Variants in WDR72 observed in about 807,000 individuals in gnomAD.
The protein encoded by WDR72 is WD repeat-containing protein 72.
A neutral mutation model predicts 124.2 loss-of-function variants in WDR72; 120 were observed. That is an observed-to-expected ratio of 0.97 (90% confidence interval 0.83 to 1.12). WDR72 has a LOEUF of 1.12. WDR72 is among the 50% of genes most tolerant of loss of function. The pLI, the probability that WDR72 is intolerant of heterozygous loss-of-function variation, is 0.00. For missense variants in WDR72, 1,387 were observed against 1,278.8 expected (o/e 1.08, Z -1.29); for synonymous variants, 452 against 441.7 (o/e 1.02, Z -0.29).
chr15:53,612,153 T>C lies in WDR72; in HGVS notation c.2872+1513A>G, dbSNP rs112762558. ...ATCTCCAAAACCACTGTTCTAGTCATTATTTATCCTTTAATTTCATTTGTC... is the reference window on the plus strand; with the variant it reads ...ATCTCCAAAACCACTGTTCTAGTCACTATTTATCCTTTAATTTCATTTGTC... On this transcript the variant is annotated intron_variant, in intron 16 of 19. Coordinates refer to ENST00000360509, the MANE Select transcript of WDR72 (RefSeq NM_182758.4). 2.0e-3 allele frequency among the ~76,000 whole-genome samples: 311 copies of C among 152,294 alleles called. 1 individual carries two copies. The highest frequency in any genetic ancestry group is 2.5e-3 in the Non-Finnish European group (172 of 68,032).
At chr15:53,576,998 T>A (rs2140312684) in intron 18 of WDR72, among the ~76,000 whole-genome samples, 1 of 152,286 alleles carries the variant, frequency 6.6e-6, no homozygotes, top group Non-Finnish European at 1.5e-5. Flanking sequence ...GAACCTTTGC[T>A]TTAGAGCTCC....
rs1288488424 is a variant in WDR72 at position 53,537,704 on chromosome 15, T to C, written c.3149-14382A>G. ...AAATTCAGTATTATTATTATTTGTA[T>C]ATCTGTCTTTGTCTAGAAATATGCA... is the stretch of plus-strand genomic sequence containing the variant. On this transcript the variant is annotated intron_variant, in intron 18 of 19. Coordinates refer to ENST00000360509, the MANE Select transcript of WDR72 (RefSeq NM_182758.4). Among the ~76,000 whole-genome samples, 3 of 152,208 alleles carry C rather than the reference T, an allele frequency of 2.0e-5. No homozygotes were observed. In the East Asian group the frequency reaches 5.8e-4, roughly 29 times the overall value.
At chr15:53,652,506 C>A (rs1323122356) in intron 14 of WDR72, among the ~76,000 whole-genome samples, 1 of 152,144 alleles carries the variant, frequency 6.6e-6, no homozygotes, top group Non-Finnish European at 1.5e-5. Context: ...GGAAATGAAA[C>A]ATAAATCAGC....
rs568393985 is a variant in WDR72 at position 53,685,737 on chromosome 15, C to G, written c.1765+14013G>C. ...ACCGCAAAGATACTCCTCGAGAAGACCAACTCCAAGACACATAATTGTCAG... is the reference window on the plus strand; with the variant it reads ...ACCGCAAAGATACTCCTCGAGAAGAGCAACTCCAAGACACATAATTGTCAG... On this transcript the variant is annotated intron_variant, in intron 13 of 19. Transcript: ENST00000360509. Among the ~76,000 whole-genome samples the G allele has an allele frequency of 3.6e-3, 525 of 147,028 alleles. 2 individuals are homozygous for G. Among genetic ancestry groups the G allele is most frequent in the East Asian group, 1.0e-2 (47 of 4,708 alleles).
chr15:53,713,686 G>A (rs1332818919), intron 6 of WDR72, among the ~76,000 whole-genome samples: 2 of 151,976 alleles, frequency 1.3e-5, no homozygotes, highest in African/African-American at 4.8e-5. Context: ...TTGAACTCCT[G>A]ACCTCTGGTG....
At chr15:53,554,598 A>T (rs2140284605) in intron 18 of WDR72, among the ~76,000 whole-genome samples, 1 of 152,284 alleles carries the variant, frequency 6.6e-6, no homozygotes, top group Middle Eastern at 3.4e-3. Flanking sequence ...TTTCCAAAGT[A>T]AAGGCACTTG....
rs16966320 is a variant in WDR72, at chr15:53,615,709, A to C, written c.2497T>G (p.Ser833Ala). 0.054 allele frequency: 86,628 copies of C among 1,612,220 alleles called. 6,770 individuals carry two copies. Among genetic ancestry groups the C allele is most frequent in the African/African-American group, 0.38 (28,583 of 74,704 alleles). ...AGTGAGAAATTATCTTCATTCAAAGAAATTCCCAAAGAAATAGGACCCTGA... is the reference window on the plus strand; with the variant it reads ...AGTGAGAAATTATCTTCATTCAAAGCAATTCCCAAAGAAATAGGACCCTGA... Reference protein sequence around the residue: ...KLQGPISLGISLNEDNFSLML... With the variant: ...KLQGPISLGIALNEDNFSLML... The change falls in exon 15 of 20, where the codon TCT becomes GCT. Residue 833 changes from serine (S) to alanine (A), a missense_variant. By Grantham distance (99) the Ser-to-Ala change is moderately conservative. Transcript: ENST00000360509.
rs534310600 is a variant in WDR72, at chr15:53,540,736, G to A, written c.3149-17414C>T. ...TCTGCACTTCCATCTGAGGTACCGGGTTCATCTCACTAGGGAGTGCCAGAC... is the reference window on the plus strand; with the variant it reads ...TCTGCACTTCCATCTGAGGTACCGGATTCATCTCACTAGGGAGTGCCAGAC... On this transcript the variant is annotated intron_variant, in intron 18 of 19. Coordinates refer to ENST00000360509, the MANE Select transcript of WDR72 (RefSeq NM_182758.4). Among the ~76,000 whole-genome samples the A allele has an allele frequency of 4.6e-5, 7 of 152,268 alleles. No homozygotes were observed. In the South Asian group the frequency reaches 1.4e-3, roughly 32 times the overall value.
At position 53,640,537 on chromosome 15, in the gene WDR72, T is replaced by C. The variant is rs111844316; in HGVS notation, c.1963-24294A>G. Among the ~76,000 whole-genome samples, 544 of 152,340 alleles carry C rather than the reference T, an allele frequency of 3.6e-3. 2 individuals carry two copies. The highest frequency in any genetic ancestry group is 0.013 in the African/African-American group (524 of 41,590). ...CATTCTTTTTCTAAAAATACAATCA[T>C]TGAACACTTTCTGGTTCTTTTAAAA... On this transcript the variant is annotated intron_variant, in intron 14 of 19. Transcript: ENST00000360509.
intron 13 of WDR72, among the ~76,000 whole-genome samples, chr15:53,691,168 G>C (rs2016826805): frequency 6.6e-6 from 1 of 152,026 alleles, no homozygotes; most frequent in South Asian, 2.1e-4. Context: ...TCCCATCTCG[G>C]CCTCCAGAAT....
At position 53,594,627 on chromosome 15, in the gene WDR72, T is replaced by TGA. The variant is rs532975468; in HGVS notation, c.3148+2451_3148+2452insTC. 1.8e-4 allele frequency among the ~76,000 whole-genome samples: 25 copies of TGA among 142,042 alleles called. No homozygotes were observed. The South Asian group carries it at 5.4e-3, about 31-fold the overall frequency. The allele number at this position is 142,042 out of a possible 152,430, so 93.2% of individuals were successfully genotyped here. On this transcript the variant is annotated intron_variant, in intron 18 of 19. Coordinates refer to ENST00000360509, the MANE Select transcript of WDR72 (RefSeq NM_182758.4). ...TCCCATCTGTACTAAAAATAAAAATTAAAAAAAAAAAAAAACTAGCTTATA... is the reference window on the plus strand; with the variant it reads ...TCCCATCTGTACTAAAAATAAAAATTGAAAAAAAAAAAAAAAACTAGCTTATA...
intron 18 of WDR72, among the ~76,000 whole-genome samples, chr15:53,537,875 T>C (rs1892842736): frequency 6.6e-6 from 1 of 152,190 alleles, no homozygotes; most frequent in South Asian, 2.1e-4. Flanking sequence ...TTGAAGACTG[T>C]AGAAATCTAC....
intron 11 of WDR72, among the ~76,000 whole-genome samples, chr15:53,704,549 T>G (rs1000680679): frequency 6.6e-6 from 1 of 151,422 alleles, no homozygotes; most frequent in African/African-American, 2.4e-5. Flanking sequence ...TGAGATGGAG[T>G]GGAGTCTTGC....
At chr15:53,739,223 T>C (rs1190928334) in intron 1 of WDR72, among the ~76,000 whole-genome samples, 1 of 151,640 alleles carries the variant, frequency 6.6e-6, no homozygotes, top group Non-Finnish European at 1.5e-5. Context: ...TCAACTGAAG[T>C]AAGCATCAAA....
chr15:53,531,959 G>A (rs905284050), intron 18 of WDR72, among the ~76,000 whole-genome samples: 21 of 152,072 alleles, frequency 1.4e-4, no homozygotes, highest in African/African-American at 4.3e-4. Flanking sequence ...GAAAACAATC[G>A]TAAGGCAGAA....
At chr15:53,686,341 G>A (rs1363075990) in intron 13 of WDR72, among the ~76,000 whole-genome samples, 3 of 151,864 alleles carry the variant, frequency 2.0e-5, no homozygotes, top group South Asian at 2.1e-4. Context: ...ACACACATAG[G>A]CTCAAAATAA....
intron 15 of WDR72, among the ~76,000 whole-genome samples, chr15:53,614,113 C>G (rs1906403): frequency 0.44 from 66,533 of 151,826 alleles, 14,913 homozygotes; most frequent in Middle Eastern, 0.59. Context: ...CCAATATGTT[C>G]ACATCTGTCA....
intron 13 of WDR72, among the ~76,000 whole-genome samples, chr15:53,697,877 C>T (rs2140515716): frequency 6.6e-6 from 1 of 152,190 alleles, no homozygotes; most frequent in East Asian, 1.9e-4. Flanking sequence ...GGCGCGATCT[C>T]CGCTCACTGC....
chr15:53,694,611 GCA>G (rs2016945732), intron 13 of WDR72, among the ~76,000 whole-genome samples: 3 of 152,122 alleles, frequency 2.0e-5, no homozygotes, highest in Non-Finnish European at 4.4e-5. Context: ...ACCTCCATCT[GCA>G]AGAGGTGTTT....
Sources: allele counts gnomAD v4.1 joint callset (sites outside exome capture counted in the v4.1 genomes callset), GRCh38; gene constraint gnomAD v4.1.1; transcripts MANE v1.5; gene names NCBI Gene and HGNC (gene_info 2026-07-23, HGNC 2026-07-21).